KIF13B: variants seen among roughly 807,000 people sequenced by gnomAD.
The protein encoded by KIF13B is kinesin-like protein KIF13B.
In KIF13B, 127 loss-of-function variants were observed where a neutral mutation model predicts 222.0. The ratio of observed to expected loss-of-function variants is 0.57; its 90% CI spans 0.50 to 0.66. The LOEUF is 0.66. KIF13B is among the 30% of genes least tolerant of loss of function. KIF13B has a pLI of 0.00. For synonymous variants in KIF13B, 976 were observed against 919.0 expected (o/e 1.06, Z -1.12); for missense variants, 2,173 against 2,379.0 (o/e 0.91, Z 1.80).
intron 1 of KIF13B, among the ~76,000 whole-genome samples, chr8:29,262,347 G>A (rs1391870335): frequency 6.6e-6 from 1 of 152,228 alleles, no homozygotes; most frequent in Non-Finnish European, 1.5e-5. Context: ...TGAGACTTCA[G>A]GCAAAACCAA....
intron 10 of KIF13B, among the ~76,000 whole-genome samples, chr8:29,167,936 A>T (rs1273398815): frequency 6.6e-6 from 1 of 152,208 alleles, no homozygotes; most frequent in East Asian, 1.9e-4. Context: ...GACTCCTTAA[A>T]TGCCTCCAAC....
rs143974195 is a variant in KIF13B, at chr8:29,084,944, T to C, written c.4458+7801A>G. ...CCTCTTTCAGTGCAGTATTTTTGCA[T>C]TTCTGGAACTCAGACAGAAATTGAC... On this transcript the variant is annotated intron_variant, in intron 37 of 39. Coordinates refer to ENST00000524189, the MANE Select transcript of KIF13B (RefSeq NM_015254.4). Among the ~76,000 whole-genome samples the C allele has an allele frequency of 9.8e-5, 15 of 152,356 alleles. No homozygotes were observed. The East Asian group carries it at 2.9e-3, about 29-fold the overall frequency.
chr8:29,145,302 G>A (rs970512581), intron 18 of KIF13B, among the ~76,000 whole-genome samples: 1 of 152,054 alleles, frequency 6.6e-6, no homozygotes, highest in Non-Finnish European at 1.5e-5. Flanking sequence ...TGTACAAAAC[G>A]CTGACCTTGA....
intron 19 of KIF13B, among the ~76,000 whole-genome samples, chr8:29,140,916 C>T (rs1810790045): frequency 6.6e-6 from 1 of 152,086 alleles, no homozygotes; most frequent in Non-Finnish European, 1.5e-5. Flanking sequence ...GAAATTTTGC[C>T]ACAAAATAAA....
intron 2 of KIF13B, among the ~76,000 whole-genome samples, chr8:29,234,334 C>T (rs1005260622): frequency 4.0e-5 from 6 of 151,880 alleles, no homozygotes; most frequent in African/African-American, 1.5e-4. Flanking sequence ...ATTACTCGAC[C>T]TTAAAAAGGA....
At chr8:29,262,951 C>A in intron 1 of KIF13B, 29 bp downstream of exon 1, 1 of 1,547,002 alleles carries the variant, frequency 6.5e-7, no homozygotes, top group African/African-American at 1.4e-5. Flanking sequence ...CGCCTCCGCC[C>A]CGGCGGCCCA....
intron 36 of KIF13B, 37 bp from the exon 37 acceptor site, chr8:29,092,915 C>G (rs1363445309): frequency 6.4e-7 from 1 of 1,554,864 alleles, no homozygotes. Flanking sequence ...AAAACAAATA[C>G]AATTACATAG....
chr8:29,086,173 C>T (rs143152569), intron 37 of KIF13B, among the ~76,000 whole-genome samples: 19 of 152,266 alleles, frequency 1.2e-4, no homozygotes, highest in African/African-American at 4.1e-4. Flanking sequence ...GAACCAAGTA[C>T]AGTAATCTAA....
At chr8:29,216,799 C>A (rs1262407198) in intron 2 of KIF13B, among the ~76,000 whole-genome samples, 1 of 152,058 alleles carries the variant, frequency 6.6e-6, no homozygotes, top group African/African-American at 2.4e-5. Context: ...AGTGGGCAGC[C>A]TGAGACTGGG....
At chr8:29,234,847 G>A (rs978301812) in intron 2 of KIF13B, among the ~76,000 whole-genome samples, 1 of 152,016 alleles carries the variant, frequency 6.6e-6, no homozygotes, top group African/African-American at 2.4e-5. Context: ...TAAAAATGAC[G>A]GAATGGAACA....
At chr8:29,241,173 C>T (rs1815760734) in intron 2 of KIF13B, among the ~76,000 whole-genome samples, 1 of 152,144 alleles carries the variant, frequency 6.6e-6, no homozygotes, top group South Asian at 2.1e-4. Context: ...GAACCTGATG[C>T]TAAGAAGCCA....
chr8:29,214,008 A>C (rs1814360716), intron 2 of KIF13B, among the ~76,000 whole-genome samples: 1 of 152,204 alleles, frequency 6.6e-6, no homozygotes, highest in Non-Finnish European at 1.5e-5. Flanking sequence ...AATACGATAC[A>C]AAAGATTTTA....
intron 2 of KIF13B, among the ~76,000 whole-genome samples, chr8:29,235,757 T>C (rs1815480292): frequency 6.6e-6 from 1 of 152,192 alleles, no homozygotes; most frequent in Non-Finnish European, 1.5e-5. Flanking sequence ...GCTCTAGATT[T>C]GAAAGAGATT....
chr8:29,180,029 C>A (rs1339641541), intron 8 of KIF13B, 75 bp downstream of exon 8: 12 of 1,538,492 alleles, frequency 7.8e-6, no homozygotes, highest in Non-Finnish European at 1.1e-5. Flanking sequence ...ATTCATCTAA[C>A]ACCTGAAGAG....
intron 2 of KIF13B, among the ~76,000 whole-genome samples, chr8:29,198,008 G>A (rs1352448819): frequency 6.6e-6 from 1 of 152,190 alleles, no homozygotes; most frequent in Non-Finnish European, 1.5e-5. Context: ...GCTTCCAATT[G>A]TCTTCGACCA....
At chr8:29,233,137 C>T (rs1815362264) in intron 2 of KIF13B, among the ~76,000 whole-genome samples, 2 of 152,166 alleles carry the variant, frequency 1.3e-5, no homozygotes, top group South Asian at 2.1e-4. Context: ...GCCCGGGTGA[C>T]AGAGTGAGAC....
chr8:29,261,936 C>T (rs1186149846), intron 1 of KIF13B, among the ~76,000 whole-genome samples: 5 of 152,154 alleles, frequency 3.3e-5, no homozygotes, highest in African/African-American at 1.2e-4. Flanking sequence ...ATAATTTCTA[C>T]ATAAAAATTA....
chr8:29,143,072 T>G (rs1369606635), intron 18 of KIF13B, among the ~76,000 whole-genome samples: 1 of 152,238 alleles, frequency 6.6e-6, no homozygotes, highest in South Asian at 2.1e-4. Context: ...AAGGCTGGTT[T>G]GGAACTCCTG....
At chr8:29,180,008 C>A in intron 8 of KIF13B, 96 bp downstream of exon 8, 1 of 1,378,732 alleles carries the variant, frequency 7.3e-7, no homozygotes, top group Non-Finnish European at 1.0e-6. Flanking sequence ...ACAAGTCTAG[C>A]CAGGACTTTA....
Sources: allele counts gnomAD v4.1 joint callset (sites outside exome capture counted in the v4.1 genomes callset), GRCh38; gene constraint gnomAD v4.1.1; transcripts MANE v1.5; gene names NCBI Gene and HGNC (gene_info 2026-07-23, HGNC 2026-07-21).